DZANK1: variants seen among roughly 807,000 people sequenced by gnomAD.
DZANK1 encodes double zinc ribbon and ankyrin repeat domains 1.
In DZANK1, 91 loss-of-function variants were observed where a neutral mutation model predicts 94.5. That is an observed-to-expected ratio of 0.96 (90% CI 0.81 to 1.15). DZANK1 has a LOEUF of 1.15. Ranked by LOEUF, DZANK1 falls within the 50% of genes most tolerant of loss-of-function variation. The pLI is 0.00. For synonymous variants in DZANK1, 312 were observed against 325.3 expected (o/e 0.96, Z 0.44); for missense variants, 903 against 916.4 (o/e 0.99, Z 0.19).
intron 6 of DZANK1, among the ~76,000 whole-genome samples, chr20:18,450,059 T>C (rs937404849): frequency 2.0e-5 from 3 of 150,920 alleles, no homozygotes; most frequent in African/African-American, 7.3e-5. Flanking sequence ...GCCTGGGCAA[T>C]AGAGTGAAAC....
At chr20:18,385,878 A>G (rs545258148) in intron 19 of DZANK1, among the ~76,000 whole-genome samples, 1 of 152,284 alleles carries the variant, frequency 6.6e-6, no homozygotes, top group African/African-American at 2.4e-5. Context: ...TTTTGCTGCA[A>G]TGCCAGGGTT....
intron 6 of DZANK1, among the ~76,000 whole-genome samples, chr20:18,449,802 G>A (rs2059029241): frequency 6.6e-6 from 1 of 150,740 alleles, no homozygotes. Flanking sequence ...AACTCGGCTG[G>A]GCACAGTGGC....
chr20:18,414,990 A>G (rs2057420954), intron 11 of DZANK1, among the ~76,000 whole-genome samples: 1 of 152,212 alleles, frequency 6.6e-6, no homozygotes, highest in Admixed American at 6.5e-5. Context: ...CTTCACTCTA[A>G]AACTTTTTTG....
In DZANK1 at chr20:18,423,368, C is replaced by T. The variant is rs12053588; in HGVS notation, c.954+3699G>A. On this transcript the variant is annotated intron_variant, in intron 10 of 20. Coordinates refer to ENST00000262547, the Ensembl canonical transcript of DZANK1. ...TCAATGTTTTATAGTTTTTAATGTACAAGTCTTTCACTTCCTATAGTTGGA... is the reference window on the plus strand; with the variant it reads ...TCAATGTTTTATAGTTTTTAATGTATAAGTCTTTCACTTCCTATAGTTGGA... Among the ~76,000 whole-genome samples, 92 of 152,274 alleles carry T rather than the reference C, an allele frequency of 6.0e-4. No homozygotes were observed. In the East Asian group the frequency reaches 0.016, roughly 27 times the overall value.
chr20:18,430,252 G>A (rs2058229817), intron 9 of DZANK1, among the ~76,000 whole-genome samples: 1 of 152,106 alleles, frequency 6.6e-6, no homozygotes, highest in South Asian at 2.1e-4. Context: ...TGGTTACACT[G>A]GCCTTAACCC....
Position 18,394,302 on chromosome 20 carries a change from T to C in DZANK1, c.1660A>G (p.Ser554Gly). 1.9e-6 allele frequency: 3 copies of C among 1,613,872 alleles called. No individual in the cohort carries two copies. In the Admixed American group the frequency reaches 5.0e-5, roughly 27 times the overall value. Residue 554 changes from serine to glycine, a missense_variant, in exon 16 of 21, where the codon AGT (serine) becomes GGT (glycine). Coordinates refer to ENST00000262547, the Ensembl canonical transcript of DZANK1. ...AGCCCCCCATCACCCTCGGCAGCAC[T>C]GCTCAGAAGGTGATCGCTGAAATTC...
At chr20:18,462,386 C>A (rs145575510) in intron 2 of DZANK1, among the ~76,000 whole-genome samples, 1 of 152,006 alleles carries the variant, frequency 6.6e-6, no homozygotes, top group South Asian at 2.1e-4. Flanking sequence ...CAGAGAGAAG[C>A]GTAAGGAGAA....
At chr20:18,410,973 G>A (rs4814745) in intron 13 of DZANK1, among the ~76,000 whole-genome samples, 17,502 of 152,050 alleles carry the variant, frequency 0.12, 1,573 homozygotes, top group East Asian at 0.53. Context: ...GAAAGAAAAT[G>A]AAGGTACACC....
chr20:18,455,330 C>T (rs1181683417), exon 4 of DZANK1: 6 of 1,607,478 alleles, frequency 3.7e-6, no homozygotes, highest in Admixed American at 3.4e-5. Context: ...ACGTGAAACA[C>T]CTTTGTCACA....
intron 13 of DZANK1, among the ~76,000 whole-genome samples, chr20:18,402,931 A>G (rs2056757596): frequency 1.3e-5 from 2 of 152,378 alleles, no homozygotes; most frequent in South Asian, 4.1e-4. Flanking sequence ...TAATGAAAAT[A>G]TACCAAAACT....
intron 6 of DZANK1, chr20:18,452,082 T>G (rs1655246272): frequency 2.8e-6 from 1 of 355,516 alleles, no homozygotes; most frequent in Non-Finnish European, 5.5e-6. Context: ...TTTTTTTTTT[T>G]TTTTAACGAT....
At chr20:18,410,531 T>C (rs537893918) in intron 13 of DZANK1, among the ~76,000 whole-genome samples, 1 of 152,174 alleles carries the variant, frequency 6.6e-6, no homozygotes, top group South Asian at 2.1e-4. Context: ...TTTAGAAACA[T>C]TTGGAAAACA....
chr20:18,438,236 A>AG (rs1326245185), intron 8 of DZANK1, among the ~76,000 whole-genome samples: 16 of 128,474 alleles, frequency 1.2e-4, no homozygotes, highest in African/African-American at 4.2e-4. Context: ...AAAAAAAAAA[A>AG]AAAGAAATAA....
At chr20:18,458,841 C>G (rs1486323351) in intron 3 of DZANK1, among the ~76,000 whole-genome samples, 1 of 152,298 alleles carries the variant, frequency 6.6e-6, no homozygotes, top group South Asian at 2.1e-4. Flanking sequence ...TTGTTTCCCC[C>G]ACCCCAGCTG....
chr20:18,450,025 C>T (rs12625418), intron 6 of DZANK1, among the ~76,000 whole-genome samples: 21,424 of 151,704 alleles, frequency 0.14, 1,694 homozygotes, highest in Admixed American at 0.19. Flanking sequence ...TTGTGGTGAG[C>T]CAAGATCATG....
chr20:18,400,349 A>C (rs2056603464), intron 13 of DZANK1, among the ~76,000 whole-genome samples: 1 of 152,202 alleles, frequency 6.6e-6, no homozygotes, highest in Non-Finnish European at 1.5e-5. Flanking sequence ...ACCATGGAGA[A>C]CATGTCTCAC....
At position 18,433,767 on chromosome 20, in the gene DZANK1, T is replaced by C. The variant is rs1480903332; in HGVS notation, c.748-2A>G. On this transcript the variant is annotated splice_acceptor_variant, in intron 8 of 20. Coordinates refer to ENST00000262547, the Ensembl canonical transcript of DZANK1. LOFTEE classifies it high-confidence loss of function. ...TCTGCATTCTGCACACAAGCCCATC[T>C]GCACAAGGAAAAGGTCTGGTTTATC... 3 of 1,613,132 alleles carry C rather than the reference T, an allele frequency of 1.9e-6. No homozygotes were observed. Among genetic ancestry groups the C allele is most frequent in the Non-Finnish European group, 2.5e-6 (3 of 1,179,278 alleles).
intron 8 of DZANK1, among the ~76,000 whole-genome samples, chr20:18,439,451 T>C (rs2058649171): frequency 6.6e-6 from 1 of 152,222 alleles, no homozygotes; most frequent in African/African-American, 2.4e-5. Flanking sequence ...CTAGCATTTT[T>C]CAATTATATA....
chr20:18,450,300 C>G (rs1334968552), intron 6 of DZANK1, among the ~76,000 whole-genome samples: 3 of 152,136 alleles, frequency 2.0e-5, no homozygotes, highest in Admixed American at 2.0e-4. Flanking sequence ...TTTGTAACCC[C>G]AATACTTTGG....
Sources: allele counts gnomAD v4.1 joint callset (sites outside exome capture counted in the v4.1 genomes callset), GRCh38; gene constraint gnomAD v4.1.1; transcripts MANE v1.5; gene names NCBI Gene and HGNC (gene_info 2026-07-23, HGNC 2026-07-21).